Variants in KCNMA1 observed in about 807,000 individuals in gnomAD.
The protein encoded by KCNMA1 is Calcium-activated potassium channel subunit alpha-1.
A neutral mutation model predicts 140.0 loss-of-function variants in KCNMA1; 29 were observed. The observed-to-expected ratio is 0.21, with a 90% CI of 0.15 to 0.28. The LOEUF (loss-of-function observed/expected upper bound fraction) is 0.28, where lower values mean the gene tolerates loss of function less well. Ranked by LOEUF, KCNMA1 falls within the 10% of genes least tolerant of loss-of-function variation. The pLI is 1.00. For missense variants in KCNMA1, 880 were observed against 1,602.2 expected, an observed-to-expected ratio of 0.55 and a Z score of 7.70; for synonymous variants, 612 against 611.9, an observed-to-expected ratio of 1.00 and a Z score of 0.00.
At chr10:76,965,819 C>T (rs559250899) in intron 20 of KCNMA1, among the ~76,000 whole-genome samples, 3 of 152,262 alleles carry the variant, frequency 2.0e-5, no homozygotes, top group Non-Finnish European at 2.9e-5. Context: ...CATCCAGTCT[C>T]GGTAAACCTA....
chr10:77,393,329 T>A (rs996694261), intron 2 of KCNMA1, among the ~76,000 whole-genome samples: 1 of 152,186 alleles, frequency 6.6e-6, no homozygotes, highest in Non-Finnish European at 1.5e-5. Flanking sequence ...CCCTGACCCG[T>A]CTGTCTCCAT....
chr10:77,228,682 T>C (rs1327309227), intron 3 of KCNMA1, among the ~76,000 whole-genome samples: 1 of 152,218 alleles, frequency 6.6e-6, no homozygotes, highest in Non-Finnish European at 1.5e-5. Context: ...AGTGTCTTCT[T>C]GGCCTACCAT....
intron 1 of KCNMA1, among the ~76,000 whole-genome samples, chr10:77,449,072 G>A (rs1475228324): frequency 7.1e-6 from 1 of 141,496 alleles, no homozygotes; most frequent in East Asian, 2.1e-4. Flanking sequence ...GGGCAACAGA[G>A]CAAGACTCCG....
intron 1 of KCNMA1, among the ~76,000 whole-genome samples, chr10:77,450,400 G>A (rs1329437599): frequency 1.3e-5 from 2 of 152,006 alleles, no homozygotes; most frequent in African/African-American, 4.8e-5. Context: ...CATATATTAT[G>A]TATATTAACC....
intron 2 of KCNMA1, among the ~76,000 whole-genome samples, chr10:77,271,369 G>A (rs2065083154): frequency 6.6e-6 from 1 of 152,068 alleles, no homozygotes; most frequent in Admixed American, 6.6e-5. Context: ...GCTGGTCCAG[G>A]CTAGAGACAC....
At chr10:76,895,926 G>C (rs2042303887) in intron 25 of KCNMA1, among the ~76,000 whole-genome samples, 1 of 152,142 alleles carries the variant, frequency 6.6e-6, no homozygotes. Context: ...CATGCTTCAA[G>C]GGCAACAAAA....
chr10:77,358,483 A>G (rs565885417), intron 2 of KCNMA1, among the ~76,000 whole-genome samples: 5 of 152,106 alleles, frequency 3.3e-5, no homozygotes, highest in Admixed American at 2.0e-4. Context: ...AATACATGGC[A>G]CCAAGACACT....
rs528014959 is a variant in KCNMA1 at position 77,538,870 on chromosome 10, G to A, written c.378+98395C>T. 1.1e-4 allele frequency among the ~76,000 whole-genome samples: 17 copies of A among 152,368 alleles called. No individual in the cohort carries two copies. In the South Asian group the frequency reaches 3.5e-3, roughly 32 times the overall value. ...GTTGTCAAGACTGATTCAGGGGACA[G>A]TGTGTGTGGAGTGGTTAGCACAGGG... On this transcript the variant is annotated intron_variant, in intron 1 of 27. Coordinates refer to ENST00000286628, the MANE Select transcript of KCNMA1 (RefSeq NM_001161352.2).
chr10:77,046,862 C>T (rs2095085908), intron 14 of KCNMA1, among the ~76,000 whole-genome samples: 1 of 152,244 alleles, frequency 6.6e-6, no homozygotes, highest in African/African-American at 2.4e-5. Flanking sequence ...GAATGCCTCA[C>T]TGCACAGCTT....
chr10:77,084,856 T>G, intron 11 of KCNMA1, 137 bp from the exon 12 acceptor site: 1 of 686,050 alleles, frequency 1.5e-6, no homozygotes, highest in Non-Finnish European at 2.6e-6. Context: ...CCTGAGAGAT[T>G]ATAGTTTTTG....
intron 1 of KCNMA1, among the ~76,000 whole-genome samples, chr10:77,556,231 C>T (rs1473573349): frequency 6.6e-6 from 1 of 152,034 alleles, no homozygotes; most frequent in Non-Finnish European, 1.5e-5. Flanking sequence ...CAGGGTCAGG[C>T]GCGGTGGCTC....
intron 1 of KCNMA1, among the ~76,000 whole-genome samples, chr10:77,517,976 G>T (rs574301240): frequency 6.6e-6 from 1 of 152,112 alleles, no homozygotes; most frequent in African/African-American, 2.4e-5. Context: ...AAGAGGGGCC[G>T]TTAATCAGGG....
At chr10:77,154,747 A>G (rs2098463365) in intron 5 of KCNMA1, among the ~76,000 whole-genome samples, 1 of 152,224 alleles carries the variant, frequency 6.6e-6, no homozygotes, top group African/African-American at 2.4e-5. Flanking sequence ...ACTGAATAAG[A>G]CAGACATGAT....
intron 1 of KCNMA1, among the ~76,000 whole-genome samples, chr10:77,467,749 T>C (rs2154527121): frequency 6.6e-6 from 1 of 151,140 alleles, no homozygotes; most frequent in East Asian, 2.0e-4. Context: ...CAGGGCCACT[T>C]GGCCACTCGC....
chr10:77,078,204 T>C (rs1027545404), intron 13 of KCNMA1: 5 of 152,236 alleles, frequency 3.3e-5, no homozygotes, highest in African/African-American at 1.2e-4. Flanking sequence ...CTGTTACTCA[T>C]AACCCAGCAG....
At chr10:77,205,162 T>A (rs2043673103) in intron 3 of KCNMA1, among the ~76,000 whole-genome samples, 2 of 152,190 alleles carry the variant, frequency 1.3e-5, no homozygotes, top group Admixed American at 1.3e-4. Flanking sequence ...ACAAACTTAT[T>A]GGTTCTATAT....
chr10:76,906,746 T>C (rs144424248), intron 25 of KCNMA1, among the ~76,000 whole-genome samples: 70 of 152,314 alleles, frequency 4.6e-4, no homozygotes, highest in African/African-American at 1.6e-3. Context: ...CCCTTTTTGT[T>C]CCTTCTAGTT....
At chr10:77,118,806 G>A (rs192670321) in intron 6 of KCNMA1, among the ~76,000 whole-genome samples, 386 of 152,284 alleles carry the variant, frequency 2.5e-3, no homozygotes, top group Non-Finnish European at 3.9e-3. Context: ...GGCCCCCTAC[G>A]CAGCAAGTTC....
chr10:76,925,456 GA>G (rs1318132004), intron 23 of KCNMA1, among the ~76,000 whole-genome samples: 1 of 152,096 alleles, frequency 6.6e-6, no homozygotes, highest in Non-Finnish European at 1.5e-5. Flanking sequence ...ACAAGACAAT[GA>G]TATCAAGGGG....
Sources: gnomAD v4.1 joint callset for allele counts (sites outside exome capture counted in the v4.1 genomes callset) on GRCh38, gnomAD v4.1.1 for gene constraint, MANE v1.5 for transcripts, NCBI Gene and HGNC (gene_info 2026-07-23, HGNC 2026-07-21) for gene names.